KAT6B: variants seen among roughly 807,000 people sequenced by gnomAD.
The protein encoded by KAT6B is lysine acetyltransferase 6B.
Under a neutral mutation model 187.5 loss-of-function variants are expected in KAT6B, and 10 were observed. The observed-to-expected ratio is 0.05, with a 90% CI of 0.03 to 0.09. The LOEUF is 0.09. Ranked by LOEUF, KAT6B falls within the 10% of genes least tolerant of loss-of-function variation. The probability of loss-of-function intolerance (pLI) is 1.00; values close to 1 mark genes in which losing one functional copy is unlikely to be tolerated. For missense variants in KAT6B, 1,952 were observed against 2,558.9 expected, an observed-to-expected ratio of 0.76 and a Z score of 5.12; for synonymous variants, 861 against 926.8, an observed-to-expected ratio of 0.93 and a Z score of 1.29.
chr10:74,841,285 A>C (rs1841725500), intron 2 of KAT6B, among the ~76,000 whole-genome samples: 1 of 152,210 alleles, frequency 6.6e-6, no homozygotes, highest in African/African-American at 2.4e-5. Context: ...GTTGGATTTT[A>C]GAATTGGCTG....
chr10:74,860,049 TTTTATTTTTA>T (rs1045230889), intron 3 of KAT6B, among the ~76,000 whole-genome samples: 2 of 152,174 alleles, frequency 1.3e-5, no homozygotes, highest in Non-Finnish European at 2.9e-5. Context: ...GTTTTTTATT[TTTTATTTTTA>T]TTTATTTTTA....
At chr10:74,892,052 TTGAATC>T (rs1173771904) in intron 3 of KAT6B, among the ~76,000 whole-genome samples, 6 of 152,154 alleles carry the variant, frequency 3.9e-5, no homozygotes, top group African/African-American at 1.2e-4. Context: ...CACCTGGAGT[TTGAATC>T]TGAACAGTGT....
At chr10:74,831,274 C>T (rs943974654) in intron 1 of KAT6B, among the ~76,000 whole-genome samples, 1 of 152,012 alleles carries the variant, frequency 6.6e-6, no homozygotes, top group African/African-American at 2.4e-5. Flanking sequence ...CTTGCCTTTT[C>T]ACTCTCTTTA....
chr10:74,979,088 A>T, intron 9 of KAT6B, 136 bp from the exon 10 acceptor site: 2 of 665,886 alleles, frequency 3.0e-6, no homozygotes, highest in Non-Finnish European at 5.4e-6. Context: ...AAGGGTCTAT[A>T]GTGTTTTAAG....
chr10:74,980,608 G>A (rs1053415031), intron 10 of KAT6B, among the ~76,000 whole-genome samples: 6 of 152,178 alleles, frequency 3.9e-5, no homozygotes, highest in African/African-American at 1.4e-4. Context: ...TTGTACATAA[G>A]TGCAAGATTT....
At chr10:74,851,655 C>T (rs546970261) in intron 3 of KAT6B, among the ~76,000 whole-genome samples, 15 of 152,078 alleles carry the variant, frequency 9.9e-5, no homozygotes, top group Non-Finnish European at 1.0e-4. Context: ...AAAAGGAGTT[C>T]AGATGATCAG....
At position 75,011,953 on chromosome 10, in the gene KAT6B, A is replaced by G. The variant is rs1011185481; in HGVS notation, c.2630-8629A>G. ...GCCCTGTGAGGTGGCAAAAATGAAG[A>G]AGTGGTGCTGTACCCCATTTAATAT... On this transcript the variant is annotated intron_variant, in intron 13 of 17. Transcript: ENST00000287239. Among the ~76,000 whole-genome samples, 4 of 152,202 alleles carry G rather than the reference A, an allele frequency of 2.6e-5. 1 individual carries two copies. In the South Asian group the frequency reaches 8.3e-4, roughly 31 times the overall value.
chr10:74,915,113 A>T (rs894285292), intron 3 of KAT6B, among the ~76,000 whole-genome samples: 2 of 152,104 alleles, frequency 1.3e-5, no homozygotes, highest in East Asian at 1.9e-4. Context: ...TAAAAAAAAA[A>T]TTTATTAAAA....
At chr10:74,960,278 C>T (rs1841009239) in intron 4 of KAT6B, among the ~76,000 whole-genome samples, 200 bp downstream of exon 4, 1 of 151,972 alleles carries the variant, frequency 6.6e-6, no homozygotes, top group Non-Finnish European at 1.5e-5. Context: ...ATTATATATG[C>T]TTATATAATA....
chr10:74,923,636 G>A (rs538373069), intron 3 of KAT6B, among the ~76,000 whole-genome samples: 1 of 152,306 alleles, frequency 6.6e-6, no homozygotes, highest in South Asian at 2.1e-4. Context: ...GGAACAGCAA[G>A]TGCAAAGAGC....
At chr10:74,956,732 A>C (rs540699798) in intron 3 of KAT6B, among the ~76,000 whole-genome samples, 2 of 152,334 alleles carry the variant, frequency 1.3e-5, no homozygotes, top group East Asian at 3.9e-4. Flanking sequence ...CAAGATTGTT[A>C]AGATGATTAA....
intron 3 of KAT6B, among the ~76,000 whole-genome samples, chr10:74,929,740 A>G (rs1848739640): frequency 6.6e-6 from 1 of 152,220 alleles, no homozygotes; most frequent in Non-Finnish European, 1.5e-5. Context: ...ATTTATTACT[A>G]CATTCTAGGT....
chr10:74,980,987 A>G (rs925345476), intron 10 of KAT6B, among the ~76,000 whole-genome samples: 3 of 152,250 alleles, frequency 2.0e-5, no homozygotes, highest in Admixed American at 1.3e-4. Context: ...ATATGTATGC[A>G]GATTGTTTAA....
intron 3 of KAT6B, among the ~76,000 whole-genome samples, chr10:74,939,173 A>G (rs988408922): frequency 2.0e-5 from 3 of 152,026 alleles, no homozygotes; most frequent in African/African-American, 7.2e-5. Context: ...AGGAGAGCAG[A>G]GTTTGGTTTA....
chr10:74,867,846 A>G (rs1485133234), intron 3 of KAT6B, among the ~76,000 whole-genome samples: 4 of 152,230 alleles, frequency 2.6e-5, no homozygotes, highest in Non-Finnish European at 5.9e-5. Flanking sequence ...TAATCCAGGT[A>G]TTCAACAAAG....
intron 3 of KAT6B, among the ~76,000 whole-genome samples, chr10:74,945,676 C>G (rs1174807596): frequency 1.3e-5 from 2 of 152,122 alleles, no homozygotes; most frequent in Non-Finnish European, 1.5e-5. Flanking sequence ...TCTCCAACTC[C>G]TGAGCTCAAG....
At chr10:74,848,780 T>G (rs1368337559) in intron 3 of KAT6B, among the ~76,000 whole-genome samples, 2 of 152,180 alleles carry the variant, frequency 1.3e-5, no homozygotes, top group Non-Finnish European at 2.9e-5. Flanking sequence ...TGATTCTTCC[T>G]TTGGCTGCTG....
intron 3 of KAT6B, among the ~76,000 whole-genome samples, chr10:74,874,543 T>A (rs761561898): frequency 1.3e-5 from 2 of 152,028 alleles, no homozygotes; most frequent in Non-Finnish European, 1.5e-5. Flanking sequence ...CACACCCAGC[T>A]AATTTTTTGT....
intron 3 of KAT6B, among the ~76,000 whole-genome samples, chr10:74,870,312 G>T (rs150816567): frequency 6.6e-6 from 1 of 151,962 alleles, no homozygotes; most frequent in Non-Finnish European, 1.5e-5. Flanking sequence ...AAAACCCCAC[G>T]AAAAACCAAA....
Sources: gnomAD v4.1 joint callset for allele counts (sites outside exome capture counted in the v4.1 genomes callset) on GRCh38, gnomAD v4.1.1 for gene constraint, MANE v1.5 for transcripts, NCBI Gene and HGNC (gene_info 2026-07-23, HGNC 2026-07-21) for gene names.